PTPRB: variants seen among roughly 807,000 people sequenced by gnomAD.
PTPRB encodes the protein protein tyrosine phosphatase receptor type B, also known as receptor-type tyrosine-protein phosphatase beta.
Under a neutral mutation model 238.1 loss-of-function variants are expected in PTPRB, and 97 were observed. That is an observed-to-expected ratio of 0.41 (90% CI 0.35 to 0.48). The LOEUF (loss-of-function observed/expected upper bound fraction) is 0.48. Among genes scored for constraint, PTPRB ranks in the 20% least tolerant of loss-of-function variants. The probability of loss-of-function intolerance (pLI) is 0.30; values close to 1 mark genes in which losing one functional copy is unlikely to be tolerated. For synonymous variants in PTPRB, 970 were observed against 995.4 expected (o/e 0.97, Z 0.48); for missense variants, 2,292 against 2,681.9 (o/e 0.85, Z 3.21).
intron 18 of PTPRB, among the ~76,000 whole-genome samples, chr12:70,557,747 T>C (rs1456128033): frequency 1.3e-5 from 2 of 152,250 alleles, no homozygotes; most frequent in African/African-American, 2.4e-5. Context: ...GCTGGGCTCA[T>C]TGCCTTGTGT....
Position 70,560,642 on chromosome 12 carries a change from C to T in PTPRB, c.4432+29G>A. ...TCTCTGGAAGCTACTTCCCACCATC[C>T]CTTGGCCATTGGCACCTGGGCTTCT... On this transcript the variant is annotated intron_variant, in intron 17 of 33. Coordinates refer to ENST00000334414, the MANE Select transcript of PTPRB (RefSeq NM_001109754.4). This position sits in a 1 kb window ranked among gnomAD's most constrained non-coding sequence, Gnocchi z 4.2. The T allele has an allele frequency of 6.2e-7, 1 of 1,609,918 alleles. No individual in the cohort carries two copies.
At chr12:70,584,761 C>T (rs1043223605) in intron 9 of PTPRB, among the ~76,000 whole-genome samples, 5 of 151,860 alleles carry the variant, frequency 3.3e-5, no homozygotes, top group African/African-American at 4.8e-5. Context: ...ATTTGAATAA[C>T]GTTCTCCAGG....
At chr12:70,537,156 A>G (rs546066076) in intron 28 of PTPRB, among the ~76,000 whole-genome samples, 27 of 152,160 alleles carry the variant, frequency 1.8e-4, no homozygotes, top group South Asian at 1.2e-3. Flanking sequence ...GCGTGGTGGC[A>G]GGTGCCTGTA....
intron 23 of PTPRB, 163 bp downstream of exon 23, chr12:70,540,695 G>A (rs1874934999): frequency 1.6e-6 from 1 of 608,308 alleles, no homozygotes; most frequent in African/African-American, 1.9e-5. Flanking sequence ...TGAGAAAAGT[G>A]AGTCATGGCT....
chr12:70,594,360 G>T, intron 6 of PTPRB, 107 bp downstream of exon 6: 1 of 1,409,084 alleles, frequency 7.1e-7, no homozygotes, highest in South Asian at 1.4e-5. Flanking sequence ...TACCTTATAA[G>T]AATTTCAATT....
intron 5 of PTPRB, among the ~76,000 whole-genome samples, chr12:70,595,371 C>T (rs562309870): frequency 3.7e-4 from 57 of 152,190 alleles, no homozygotes; most frequent in African/African-American, 1.3e-3. Flanking sequence ...ATGGGTGCAG[C>T]AAACCACCAT....
intron 2 of PTPRB, among the ~76,000 whole-genome samples, chr12:70,626,913 C>A (rs1028704378): frequency 2.0e-5 from 3 of 151,742 alleles, no homozygotes; most frequent in Admixed American, 6.6e-5. Flanking sequence ...AAAGAGTGCA[C>A]CTAAAATACA....
chr12:70,560,618 C>T lies in PTPRB; in HGVS notation c.4432+53G>A. 6.3e-7 allele frequency: 1 copy of T among 1,597,580 alleles called. No homozygotes were observed. Among genetic ancestry groups the T allele is most frequent in the Non-Finnish European group, 8.5e-7 (1 of 1,170,740 alleles). On this transcript the variant is annotated intron_variant, in intron 17 of 33. Transcript: ENST00000334414. This position sits in a 1 kb window ranked among gnomAD's most constrained non-coding sequence, Gnocchi z 4.2. Reference sequence around the variant, plus strand: ...CATTAAAATCAGAATCAAAATGTGTCTCTGGAAGCTACTTCCCACCATCCC... The same window carrying T: ...CATTAAAATCAGAATCAAAATGTGTTTCTGGAAGCTACTTCCCACCATCCC...
chr12:70,571,313 T>G, intron 12 of PTPRB, 24 bp from the exon 13 acceptor site: 2 of 1,560,122 alleles, frequency 1.3e-6, no homozygotes, highest in Non-Finnish European at 1.8e-6. Flanking sequence ...TGAGAAGACA[T>G]TTCAGGAAAG....
rs1033880788 is a variant in PTPRB, at chr12:70,560,219, C to T, written c.4432+452G>A. Among the ~76,000 whole-genome samples, 2 of 152,080 alleles carry T rather than the reference C, an allele frequency of 1.3e-5. No homozygotes were observed. Among genetic ancestry groups the T allele is most frequent in the African/African-American group, 4.8e-5 (2 of 41,402 alleles). ...GCATGAGTGTGCCCTGAATGGGTTA[C>T]AAGTGTGTGAAGATATTAATTCCAT... On this transcript the variant is annotated intron_variant, in intron 17 of 33. Transcript: ENST00000334414. The surrounding 1 kb of genome is among the most constrained non-coding windows in gnomAD (Gnocchi z 4.2).
chr12:70,609,360 A>G (rs1247874895), intron 3 of PTPRB, 21 bp from the exon 4 acceptor site: 9 of 1,610,382 alleles, frequency 5.6e-6, no homozygotes, highest in African/African-American at 4.0e-5. Context: ...ATCAGACACA[A>G]CAGTTTAAGT....
intron 3 of PTPRB, among the ~76,000 whole-genome samples, chr12:70,618,802 A>G (rs1010629614): frequency 6.6e-6 from 1 of 152,198 alleles, no homozygotes; most frequent in Admixed American, 6.5e-5. Flanking sequence ...TTAATTAAAC[A>G]CTATTTTACT....
intron 3 of PTPRB, among the ~76,000 whole-genome samples, chr12:70,612,180 G>A (rs921293388): frequency 1.3e-5 from 2 of 152,186 alleles, no homozygotes; most frequent in African/African-American, 4.8e-5. Context: ...AAGGCTGACA[G>A]CAGAGCTCCC....
intron 2 of PTPRB, among the ~76,000 whole-genome samples, chr12:70,624,270 A>G (rs765401947): frequency 3.2e-4 from 49 of 152,158 alleles, no homozygotes; most frequent in Non-Finnish European, 5.7e-4. Context: ...ATTATTTGTT[A>G]TTTATCTGAT....
Position 70,520,499 on chromosome 12 carries a change from A to AG in PTPRB, c.*989dup. On this transcript the variant is annotated 3_prime_UTR_variant, in exon 34 of 34. Transcript: ENST00000334414. ...AATGTTGGCATTAAGCCTTTTAATG[A>AG]GGGGCACAATCTGCTACCATAATAT... 1 of 210,068 alleles carries AG rather than the reference A, an allele frequency of 4.8e-6. No individual in the cohort carries two copies. The highest frequency in any genetic ancestry group is 9.8e-6 in the Non-Finnish European group (1 of 102,504). 13.0% of individuals were successfully genotyped at this position (210,068 alleles called of 1,614,324 possible).
intron 11 of PTPRB, among the ~76,000 whole-genome samples, chr12:70,574,175 C>T (rs1880433205): frequency 6.6e-6 from 1 of 152,138 alleles, no homozygotes; most frequent in African/African-American, 2.4e-5. Flanking sequence ...TGACCACATG[C>T]CAAGGCTGTG....
chr12:70,556,950 G>A (rs1190302313), intron 18 of PTPRB, among the ~76,000 whole-genome samples: 1 of 152,196 alleles, frequency 6.6e-6, no homozygotes, highest in Non-Finnish European at 1.5e-5. Flanking sequence ...TAAGACGTTA[G>A]CTCTAACCTC....
chr12:70,556,190 A>G, intron 18 of PTPRB, 42 bp from the exon 19 acceptor site: 1 of 1,528,466 alleles, frequency 6.5e-7, no homozygotes, highest in Non-Finnish European at 8.8e-7. Context: ...GAACTCAGGG[A>G]GAATTTTTTT....
chr12:70,613,718 TTGTC>T (rs1884560308), intron 3 of PTPRB, among the ~76,000 whole-genome samples: 1 of 152,196 alleles, frequency 6.6e-6, no homozygotes, highest in South Asian at 2.1e-4. Context: ...AGCAGAATCT[TTGTC>T]TGTCCTGCTC....
Sources: allele counts gnomAD v4.1 joint callset (sites outside exome capture counted in the v4.1 genomes callset), GRCh38; gene constraint gnomAD v4.1.1; non-coding constraint Gnocchi (gnomAD v3.1); transcripts MANE v1.5; gene names NCBI Gene and HGNC (gene_info 2026-07-23, HGNC 2026-07-21).